Variants in TDG observed in about 807,000 individuals in gnomAD.
The protein encoded by TDG is thymine DNA glycosylase, also known as G/T mismatch-specific thymine DNA glycosylase.
TDG carries 23 observed loss-of-function variants against 46.1 expected under a neutral mutation model. That is an observed-to-expected ratio of 0.50 (90% CI 0.36 to 0.71). The LOEUF (loss-of-function observed/expected upper bound fraction) is 0.71. Among genes scored for constraint, TDG ranks in the 30% least tolerant of loss-of-function variants. The pLI, the probability that TDG is intolerant of heterozygous loss-of-function variation, is 0.00. For synonymous variants in TDG, 115 were observed against 161.3 expected, an observed-to-expected ratio of 0.71 and a Z score of 2.18; for missense variants, 304 against 486.7, an observed-to-expected ratio of 0.62 and a Z score of 3.53.
chr12:103,966,185 G>T, intron 1 of TDG, 125 bp downstream of exon 1: 1 of 1,277,790 alleles, frequency 7.8e-7, no homozygotes, highest in Non-Finnish European at 1.0e-6. Flanking sequence ...GGGGCCGCGC[G>T]TGCGCACTGT....
chr12:103,981,463 G>A (rs1871831707), intron 4 of TDG, among the ~76,000 whole-genome samples: 1 of 151,748 alleles, frequency 6.6e-6, no homozygotes, highest in South Asian at 2.1e-4. Flanking sequence ...TCGAACTCCC[G>A]GCCTCAGGTG....
In TDG at chr12:103,987,576, G is replaced by C. The variant is rs1218382579; in HGVS notation, c.*486G>C. 1 of 156,166 alleles carries C rather than the reference G, an allele frequency of 6.4e-6. No individual in the cohort carries two copies. The highest frequency in any genetic ancestry group is 1.4e-5 in the Non-Finnish European group (1 of 70,030). The allele number at this position is 156,166 out of a possible 1,614,324, so 9.7% of individuals were successfully genotyped here. The stretch of plus-strand genomic sequence containing the variant: ...TTTGTTAGTTTTTAGTGGTAACTAA[G>C]GGTAAACTCAGGGTTCCCTGAGCTA... On this transcript the variant is annotated 3_prime_UTR_variant, in exon 10 of 10. Transcript: ENST00000392872.
intron 8 of TDG, among the ~76,000 whole-genome samples, chr12:103,985,321 A>G (rs1206576602): frequency 6.6e-6 from 1 of 152,094 alleles, no homozygotes; most frequent in Non-Finnish European, 1.5e-5. Context: ...CCTTTTACCA[A>G]GGTCTTCCCT....
chr12:103,986,927 T>G (rs776701422), intron 9 of TDG, 21 bp from the exon 10 acceptor site: 4 of 1,337,898 alleles, frequency 3.0e-6, no homozygotes, highest in East Asian at 8.4e-5. Flanking sequence ...ATAAACTAAC[T>G]TTGTTTTTCT....
intron 4 of TDG, among the ~76,000 whole-genome samples, chr12:103,982,163 A>T (rs1224779950): frequency 6.6e-6 from 1 of 152,220 alleles, no homozygotes; most frequent in Non-Finnish European, 1.5e-5. Flanking sequence ...TTGATTATCT[A>T]ATAGTAACAT....
At position 103,972,186 on chromosome 12, in the gene TDG, TTG is replaced by T. The variant is rs369752025; in HGVS notation, c.24-4731_24-4730del. 9.2e-4 allele frequency among the ~76,000 whole-genome samples: 140 copies of T among 152,324 alleles called. 2 individuals carry two copies. In the East Asian group the frequency reaches 0.024, roughly 27 times the overall value. On this transcript the variant is annotated intron_variant, in intron 1 of 9. Coordinates refer to ENST00000392872, the MANE Select transcript of TDG (RefSeq NM_003211.6). Reference sequence around the variant, plus strand: ...CAGGCTGGAGTACAGTGGTACGATCTTGGCTTACTGCAGCCTCCGCCTCCCTA... The same window carrying T: ...CAGGCTGGAGTACAGTGGTACGATCTGCTTACTGCAGCCTCCGCCTCCCTA...
Position 103,965,971 on chromosome 12 carries a change from G to A in TDG, c.-67G>A, listed in dbSNP as rs1870980099. On this transcript the variant is annotated 5_prime_UTR_variant, in exon 1 of 10. Transcript: ENST00000392872. Reference sequence around the variant, plus strand: ...TGTCTTACCGCAGTGAGTACCACGCGGTACTACAGAGACCGGCTGCCCGTG... The same window carrying A: ...TGTCTTACCGCAGTGAGTACCACGCAGTACTACAGAGACCGGCTGCCCGTG... The A allele has an allele frequency of 3.9e-5, 61 of 1,561,694 alleles. No individual in the cohort carries two copies. Among genetic ancestry groups the A allele is most frequent in the Non-Finnish European group, 5.2e-5 (60 of 1,152,424 alleles).
chr12:103,985,166 TACACAC>T (rs375705839), intron 8 of TDG, among the ~76,000 whole-genome samples: 3,164 of 138,516 alleles, frequency 0.023, 84 homozygotes, highest in African/African-American at 0.064. Context: ...TATAGACACA[TACACAC>T]ACACACACAC....
chr12:103,974,308 G>A (rs897339116), intron 1 of TDG, among the ~76,000 whole-genome samples: 10 of 151,420 alleles, frequency 6.6e-5, no homozygotes, highest in South Asian at 2.1e-4. Flanking sequence ...GCAGAGTCTC[G>A]TTCTGTCCCC....
chr12:103,970,136 G>A (rs1249318225), intron 1 of TDG, among the ~76,000 whole-genome samples: 4 of 152,136 alleles, frequency 2.6e-5, no homozygotes, highest in African/African-American at 7.2e-5. Context: ...TAAGTATTCA[G>A]TATGGTATAT....
At chr12:103,972,989 GA>G in intron 1 of TDG, 1 of 702,336 alleles carries the variant, frequency 1.4e-6, no homozygotes, top group Non-Finnish European at 2.6e-6. Flanking sequence ...CTCAAAATGG[GA>G]CATGTGAAAT....
rs1872105950 is a variant in TDG at position 103,985,607 on chromosome 12, T to C, written c.969T>C (p.Asp323=). 1 of 1,613,898 alleles carries C rather than the reference T, an allele frequency of 6.2e-7. No homozygotes were observed. The highest frequency in any genetic ancestry group is 8.5e-7 in the Non-Finnish European group (1 of 1,179,822). The change falls in exon 9 of 10, where the codon GAT becomes GAC. Residue 323 remains aspartate, a synonymous_variant. Transcript: ENST00000392872. ...TCCTTTTTACCTTCCTCACAGAGGA[T>C]GCAAAGAAGATGGCTGTTAAGGAAG... ...YTFDLQLAQE[D]AKKMAVKEEK... is the part of the protein sequence containing the mutation.
intron 1 of TDG, among the ~76,000 whole-genome samples, chr12:103,969,820 C>G (rs1871215176): frequency 6.6e-6 from 1 of 152,114 alleles, no homozygotes; most frequent in African/African-American, 2.4e-5. Flanking sequence ...AGTTGGTAGC[C>G]CTGCTCATTT....
At position 103,971,913 on chromosome 12, in the gene TDG, G is replaced by A. The variant is rs778165838; in HGVS notation, c.24-5005G>A. On this transcript the variant is annotated intron_variant, in intron 1 of 9. Transcript: ENST00000392872. The stretch of plus-strand genomic sequence containing the variant: ...TTCATGGTGAGGGAATGGATACCCC[G>A]AGAGGATAAATGACTAAATGCTCTT... Among the ~76,000 whole-genome samples the A allele has an allele frequency of 1.3e-4, 20 of 152,048 alleles. 1 individual carries two copies. Among genetic ancestry groups the A allele is most frequent in the Non-Finnish European group, 1.5e-5 (1 of 68,016 alleles).
chr12:103,977,645 C>A (rs1360395713), intron 2 of TDG, among the ~76,000 whole-genome samples: 1 of 152,174 alleles, frequency 6.6e-6, no homozygotes. Flanking sequence ...AATTTATATT[C>A]TATCATGAAG....
rs192496370 is a variant in TDG, at chr12:103,972,475, T to C, written c.24-4443T>C. Among the ~76,000 whole-genome samples the C allele has an allele frequency of 1.7e-4, 26 of 152,306 alleles. 1 individual carries two copies. Among genetic ancestry groups the C allele is most frequent in the Admixed American group, 1.6e-3 (25 of 15,290 alleles). ...AAGTTTATGAAGATTTTTGTGTAGATGTAATGCTTGCTTCTGCCAAGGAAT... is the reference window on the plus strand; with the variant it reads ...AAGTTTATGAAGATTTTTGTGTAGACGTAATGCTTGCTTCTGCCAAGGAAT... On this transcript the variant is annotated intron_variant, in intron 1 of 9. Coordinates refer to ENST00000392872, the MANE Select transcript of TDG (RefSeq NM_003211.6).
At chr12:103,969,457 T>C (rs1871198275) in intron 1 of TDG, among the ~76,000 whole-genome samples, 1 of 152,234 alleles carries the variant, frequency 6.6e-6, no homozygotes, top group South Asian at 2.1e-4. Context: ...TTATATGCCA[T>C]GTATCTCTAT....
chr12:103,972,845 A>T (rs1445529511), intron 1 of TDG: 1 of 450,002 alleles, frequency 2.2e-6, no homozygotes, highest in Non-Finnish European at 3.9e-6. Context: ...TGAACCCCAG[A>T]ATTTCTGAAG....
At chr12:103,978,948 C>A (rs1156316353) in intron 2 of TDG, among the ~76,000 whole-genome samples, 1 of 152,026 alleles carries the variant, frequency 6.6e-6, no homozygotes, top group Non-Finnish European at 1.5e-5. Flanking sequence ...TGCTTTACGT[C>A]CTGAGGTTGG....
Sources: allele counts gnomAD v4.1 joint callset (sites outside exome capture counted in the v4.1 genomes callset), GRCh38; gene constraint gnomAD v4.1.1; transcripts MANE v1.5; gene names NCBI Gene and HGNC (gene_info 2026-07-23, HGNC 2026-07-21).